Variants in ENAH observed in about 807,000 individuals in gnomAD.
ENAH encodes the protein ENAH actin regulator, also known as protein enabled homolog.
ENAH carries 23 observed loss-of-function variants against 78.7 expected under a neutral mutation model. The ratio of observed to expected loss-of-function variants is 0.29; its 90% CI spans 0.21 to 0.41. The LOEUF (loss-of-function observed/expected upper bound fraction) is 0.41. Among genes scored for constraint, ENAH ranks in the 10% least tolerant of loss-of-function variants. The pLI, the probability that ENAH is intolerant of heterozygous loss-of-function variation, is 1.00. For synonymous variants in ENAH, 226 were observed against 241.0 expected, an observed-to-expected ratio of 0.94 and a Z score of 0.58; for missense variants, 544 against 691.0, an observed-to-expected ratio of 0.79 and a Z score of 2.39.
At chr1:225,563,964 G>A (rs1485366950) in intron 2 of ENAH, among the ~76,000 whole-genome samples, 1 of 152,100 alleles carries the variant, frequency 6.6e-6, no homozygotes, top group Non-Finnish European at 1.5e-5. Flanking sequence ...TTCAGTTTTA[G>A]AAAGTTACGT....
chr1:225,561,661 T>TAAAATAAAATA (rs550330495), intron 2 of ENAH, among the ~76,000 whole-genome samples: 2,674 of 28,868 alleles, frequency 0.093, 37 homozygotes, highest in Middle Eastern at 0.21. Flanking sequence ...AAAATAAAAT[T>TAAAATAAAATA]AGTATGTTCA....
intron 1 of ENAH, among the ~76,000 whole-genome samples, chr1:225,618,743 T>C (rs978626002): frequency 1.8e-4 from 28 of 152,224 alleles, no homozygotes; most frequent in Non-Finnish European, 3.4e-4. Flanking sequence ...ACTATCTCTG[T>C]GCTTTAGGTT....
rs754566782 is a variant in ENAH at position 225,495,320 on chromosome 1, T to G, written c.*2455A>C. 5 of 152,564 alleles carry G rather than the reference T, an allele frequency of 3.3e-5. No homozygotes were observed. Among genetic ancestry groups the G allele is most frequent in the Non-Finnish European group, 7.4e-5 (5 of 68,022 alleles). 9.5% of individuals were successfully genotyped at this position (152,564 alleles called of 1,614,324 possible). On this transcript the variant is annotated 3_prime_UTR_variant, in exon 14 of 14. Coordinates refer to ENST00000366843, the MANE Select transcript of ENAH (RefSeq NM_018212.6). ...AAATAACTTAGGCTTCTGTTTCCCA[T>G]TTTAATTACTGAAATCTCTAATAAT...
chr1:225,542,718 T>A (rs1466355531), intron 3 of ENAH, among the ~76,000 whole-genome samples: 1 of 152,188 alleles, frequency 6.6e-6, no homozygotes, highest in Non-Finnish European at 1.5e-5. Context: ...CACATGGGAT[T>A]TACTAAATAG....
In ENAH at chr1:225,491,849, A is replaced by G. The variant is rs1316271162; in HGVS notation, c.*5926T>C. On this transcript the variant is annotated 3_prime_UTR_variant, in exon 14 of 14. Transcript: ENST00000366843. ...AAACCCAACCAAACCAACCTATAAC[A>G]TCATCCATCTCCTTTATTAGTTATT... The G allele has an allele frequency of 1.3e-5, 2 of 152,188 alleles. No homozygotes were observed. Among genetic ancestry groups the G allele is most frequent in the Non-Finnish European group, 2.9e-5 (2 of 68,030 alleles). 9.4% of individuals were successfully genotyped at this position (152,188 alleles called of 1,614,324 possible).
At chr1:225,611,955 A>G (rs1265330968) in intron 1 of ENAH, among the ~76,000 whole-genome samples, 3 of 152,250 alleles carry the variant, frequency 2.0e-5, no homozygotes, top group Non-Finnish European at 4.4e-5. Flanking sequence ...ATATGGAGAA[A>G]TTAAAACCCT....
At chr1:225,599,049 A>G (rs1484435807) in intron 1 of ENAH, among the ~76,000 whole-genome samples, 1 of 152,200 alleles carries the variant, frequency 6.6e-6, no homozygotes, top group African/African-American at 2.4e-5. Flanking sequence ...AGGTGCCTCC[A>G]GATGATGGAC....
chr1:225,646,273 C>T (rs1465759718), intron 1 of ENAH, among the ~76,000 whole-genome samples: 1 of 151,888 alleles, frequency 6.6e-6, no homozygotes, highest in Non-Finnish European at 1.5e-5. Flanking sequence ...GGAAAAAGGG[C>T]TTTTAGGAGG....
intron 2 of ENAH, among the ~76,000 whole-genome samples, chr1:225,563,787 A>C (rs1200348841): frequency 6.6e-6 from 1 of 152,218 alleles, no homozygotes; most frequent in Non-Finnish European, 1.5e-5. Flanking sequence ...TACAAGCCTT[A>C]TAAAATATCA....
intron 3 of ENAH, among the ~76,000 whole-genome samples, chr1:225,554,682 A>G (rs923930966): frequency 2.0e-5 from 3 of 152,240 alleles, no homozygotes; most frequent in African/African-American, 7.2e-5. Context: ...CTAAACTCAC[A>G]GGATTATCTT....
At position 225,497,550 on chromosome 1, in the gene ENAH, CTGT is replaced by C. The variant is rs1427644230; in HGVS notation, c.*222_*224del. The C allele has an allele frequency of 1.0e-4, 39 of 384,712 alleles. No individual in the cohort carries two copies. In the East Asian group the frequency reaches 1.5e-3, roughly 14 times the overall value. The allele number at this position is 384,712 out of a possible 1,614,324, so 23.8% of individuals were successfully genotyped here. A position where few individuals can be genotyped will look rare whatever the true frequency, so the allele number is the denominator to read the frequency against. On this transcript the variant is annotated 3_prime_UTR_variant, in exon 14 of 14. Coordinates refer to ENST00000366843, the MANE Select transcript of ENAH (RefSeq NM_018212.6). Reference sequence around the variant, plus strand: ...AACTCTTAAATGATTCTCTTCCATTCTGTTGTAAAGGCCAGAAAAAAGCAGCAA... The same window carrying C: ...AACTCTTAAATGATTCTCTTCCATTCTGTAAAGGCCAGAAAAAAGCAGCAA...
At chr1:225,539,421 T>C (rs1340217173) in intron 3 of ENAH, among the ~76,000 whole-genome samples, 1 of 152,176 alleles carries the variant, frequency 6.6e-6, no homozygotes, top group African/African-American at 2.4e-5. Context: ...ACAAAGTACA[T>C]ATATATAAAT....
chr1:225,567,182 T>G, intron 2 of ENAH, 67 bp downstream of exon 2: 3 of 1,530,614 alleles, frequency 2.0e-6, no homozygotes, highest in Non-Finnish European at 2.7e-6. Context: ...TACTTTATTT[T>G]ACGGAATATG....
At chr1:225,520,946 G>A (rs1231026539) in intron 4 of ENAH, among the ~76,000 whole-genome samples, 2 of 59,942 alleles carry the variant, frequency 3.3e-5, no homozygotes, top group Non-Finnish European at 4.5e-5. Context: ...GGGAGGGAGG[G>A]AGGGAGGGAG....
At chr1:225,546,219 T>C (rs1394183403) in intron 3 of ENAH, among the ~76,000 whole-genome samples, 2 of 152,154 alleles carry the variant, frequency 1.3e-5, no homozygotes, top group Non-Finnish European at 2.9e-5. Flanking sequence ...CTGGCCCTAA[T>C]GAGAATCAGC....
At chr1:225,617,106 A>G (rs975611686) in intron 1 of ENAH, among the ~76,000 whole-genome samples, 48 of 152,196 alleles carry the variant, frequency 3.2e-4, no homozygotes, top group Middle Eastern at 3.4e-3. Flanking sequence ...CTCAATTAAA[A>G]AAAAAAAAAG....
intron 3 of ENAH, among the ~76,000 whole-genome samples, chr1:225,537,131 A>G (rs2096565779): frequency 6.6e-6 from 1 of 151,398 alleles, no homozygotes; most frequent in Admixed American, 6.6e-5. Context: ...ATTTAAAGAG[A>G]AAAAAAAACC....
chr1:225,579,574 A>G (rs573079936), intron 1 of ENAH, among the ~76,000 whole-genome samples: 1 of 152,346 alleles, frequency 6.6e-6, no homozygotes, highest in African/African-American at 2.4e-5. Flanking sequence ...TTAGACATCA[A>G]ACTATAGATA....
intron 1 of ENAH, among the ~76,000 whole-genome samples, chr1:225,612,258 A>G (rs2096994263): frequency 6.6e-6 from 1 of 152,240 alleles, no homozygotes; most frequent in South Asian, 2.1e-4. Flanking sequence ...AAAAGGGAAG[A>G]CGTACTGACA....
Sources: gnomAD v4.1 joint callset for allele counts (sites outside exome capture counted in the v4.1 genomes callset) on GRCh38, gnomAD v4.1.1 for gene constraint, MANE v1.5 for transcripts, NCBI Gene and HGNC (gene_info 2026-07-23, HGNC 2026-07-21) for gene names.